The following ELMO1 variants were observed in gnomAD, a reference collection of about 807,000 sequenced individuals.
ELMO1 encodes engulfment and cell motility protein 1.
ELMO1 carries 26 observed loss-of-function variants against 98.9 expected under a neutral mutation model. The ratio of observed to expected loss-of-function variants is 0.26; its 90% CI spans 0.19 to 0.36. ELMO1 has a LOEUF of 0.36. Ranked by LOEUF, ELMO1 falls within the 10% of genes least tolerant of loss-of-function variation. ELMO1 has a pLI of 1.00. For synonymous variants in ELMO1, 346 were observed against 346.0 expected (o/e 1.00, Z 0.00); for missense variants, 627 against 935.2 (o/e 0.67, Z 4.30).
intron 6 of ELMO1, among the ~76,000 whole-genome samples, chr7:37,247,895 A>ATGTGTGTGTG (rs58502667): frequency 3.0e-3 from 438 of 146,640 alleles, no homozygotes; most frequent in African/African-American, 8.7e-3. Flanking sequence ...TTGAAATAAA[A>ATGTGTGTGTG]TGTGTGTGTG....
rs117593378 is a variant in ELMO1 at position 36,985,056 on chromosome 7, C to T, written c.1437+28243G>A. ...GAGTTTCTCGTTCCCCACGCTGCCC[C>T]TCCATTGCCTGTTTATAGTACTGCT... On this transcript the variant is annotated intron_variant, in intron 16 of 21. Coordinates refer to ENST00000310758, the MANE Select transcript of ELMO1 (RefSeq NM_014800.11). 9,338 of 985,386 alleles carry T rather than the reference C, an allele frequency of 9.5e-3. 52 individuals carry two copies. The highest frequency in any genetic ancestry group is 0.021 in the Middle Eastern group (40 of 1,914). 61.0% of individuals were successfully genotyped at this position (985,386 alleles called of 1,614,324 possible). A position where few individuals can be genotyped will look rare whatever the true frequency, so the allele number is the denominator to read the frequency against.
intron 4 of ELMO1, among the ~76,000 whole-genome samples, chr7:37,279,370 T>C (rs73110841): frequency 0.033 from 5,066 of 152,040 alleles, 129 homozygotes; most frequent in Non-Finnish European, 0.051. Flanking sequence ...CCGGACAGAG[T>C]AGCGTGCGGA....
chr7:37,171,132 T>C (rs1191567906), intron 13 of ELMO1, among the ~76,000 whole-genome samples: 2 of 152,176 alleles, frequency 1.3e-5, no homozygotes, highest in Admixed American at 1.3e-4. Context: ...GATGTATTTT[T>C]CTTGTATTTT....
rs76441518 is a variant in ELMO1 at position 36,864,335 on chromosome 7, G to A, written c.1906-2599C>T. 5.3e-3 allele frequency among the ~76,000 whole-genome samples: 806 copies of A among 152,216 alleles called. 9 individuals carry two copies. The highest frequency in any genetic ancestry group is 0.018 in the African/African-American group (764 of 41,536). ...CCCTTCTATGACATATACCACTCACGACATGAATGATCAGAACTGTCATGA... is the reference window on the plus strand; with the variant it reads ...CCCTTCTATGACATATACCACTCACAACATGAATGATCAGAACTGTCATGA... On this transcript the variant is annotated intron_variant, in intron 20 of 21. Coordinates refer to ENST00000310758, the MANE Select transcript of ELMO1 (RefSeq NM_014800.11).
intron 15 of ELMO1, among the ~76,000 whole-genome samples, chr7:37,067,268 C>T (rs1425623877): frequency 1.3e-5 from 2 of 152,104 alleles, no homozygotes; most frequent in African/African-American, 4.8e-5. Flanking sequence ...TGCTAAGGTG[C>T]CCCATCAATT....
intron 2 of ELMO1, among the ~76,000 whole-genome samples, chr7:37,331,681 C>T (rs564250849): frequency 6.6e-6 from 1 of 152,062 alleles, no homozygotes; most frequent in African/African-American, 2.4e-5. Flanking sequence ...TCCACACTGA[C>T]CAGAAGGAAG....
At chr7:37,120,960 T>C (rs1785985372) in intron 14 of ELMO1, among the ~76,000 whole-genome samples, 1 of 152,212 alleles carries the variant, frequency 6.6e-6, no homozygotes, top group Non-Finnish European at 1.5e-5. Context: ...CAACATCTGC[T>C]GTTTACCAAT....
chr7:36,947,038 T>G lies in ELMO1; in HGVS notation c.1438-52021A>C, dbSNP rs545223550. Among the ~76,000 whole-genome samples the G allele has an allele frequency of 5.1e-4, 78 of 152,344 alleles. 1 individual carries two copies. The highest frequency in any genetic ancestry group is 1.0e-3 in the South Asian group (5 of 4,820). ...TTTGCTACATGGATATACTGCACAA[T>G]GCTGAGGTTTGGACTTCTATTGAAC... On this transcript the variant is annotated intron_variant, in intron 16 of 21. Transcript: ENST00000310758.
At chr7:37,430,259 T>TC (rs1357298945) in intron 1 of ELMO1, among the ~76,000 whole-genome samples, 1 of 152,178 alleles carries the variant, frequency 6.6e-6, no homozygotes, top group Non-Finnish European at 1.5e-5. Flanking sequence ...CCCACCTGGG[T>TC]TTCTGCCTGC....
At chr7:37,143,785 A>T (rs1019043434) in intron 13 of ELMO1, among the ~76,000 whole-genome samples, 19 of 142,294 alleles carry the variant, frequency 1.3e-4, no homozygotes, top group African/African-American at 4.9e-4. Context: ...ATCTCGGCTC[A>T]CTGCAGCCTC....
At chr7:37,419,802 G>C (rs1179650494) in intron 1 of ELMO1, 2 of 152,114 alleles carry the variant, frequency 1.3e-5, no homozygotes, top group Non-Finnish European at 2.9e-5. Flanking sequence ...GATGAATAAA[G>C]TTTGGTCATA....
At chr7:37,308,865 T>C (rs966109218) in intron 4 of ELMO1, among the ~76,000 whole-genome samples, 6 of 152,124 alleles carry the variant, frequency 3.9e-5, no homozygotes, top group Non-Finnish European at 8.8e-5. Context: ...GCAACATCCA[T>C]AGCAGAAATC....
At chr7:36,946,225 C>T (rs150886493) in intron 16 of ELMO1, among the ~76,000 whole-genome samples, 175 of 152,354 alleles carry the variant, frequency 1.1e-3, no homozygotes, top group African/African-American at 4.0e-3. Context: ...ATTTACCTGT[C>T]GGGGCTGTCA....
chr7:37,183,150 T>C (rs966076879), intron 13 of ELMO1, among the ~76,000 whole-genome samples: 1 of 152,078 alleles, frequency 6.6e-6, no homozygotes, highest in Admixed American at 6.5e-5. Context: ...CCAGAAGGCC[T>C]AATGAAGGAA....
chr7:37,431,885 TTTG>T (rs1392768115), intron 1 of ELMO1, among the ~76,000 whole-genome samples: 30 of 152,180 alleles, frequency 2.0e-4, no homozygotes, highest in Admixed American at 9.8e-4. Context: ...TGTTTGTTTG[TTTG>T]TTTGTTTTTT....
At chr7:37,269,987 A>C (rs1229317180) in intron 5 of ELMO1, 1 of 152,030 alleles carries the variant, frequency 6.6e-6, no homozygotes, top group Non-Finnish European at 1.5e-5. Flanking sequence ...AATGAAACTA[A>C]CTCCTTCTTT....
At chr7:36,969,683 C>T (rs939497036) in intron 16 of ELMO1, among the ~76,000 whole-genome samples, 2 of 151,960 alleles carry the variant, frequency 1.3e-5, no homozygotes, top group Admixed American at 1.3e-4. Flanking sequence ...GCTTAAGCCT[C>T]ACTTGAAATT....
intron 15 of ELMO1, among the ~76,000 whole-genome samples, chr7:37,087,355 C>T (rs1001830264): frequency 2.6e-5 from 4 of 151,764 alleles, no homozygotes; most frequent in Admixed American, 1.3e-4. Context: ...CATATAGCAT[C>T]CCAGTTTAGT....
intron 13 of ELMO1, among the ~76,000 whole-genome samples, chr7:37,165,228 G>C (rs1191507077): frequency 1.3e-5 from 2 of 152,200 alleles, no homozygotes; most frequent in South Asian, 2.1e-4. Context: ...AGCTTAAGGA[G>C]ATTTTGGGCT....
Sources: allele counts gnomAD v4.1 joint callset (sites outside exome capture counted in the v4.1 genomes callset), GRCh38; gene constraint gnomAD v4.1.1; transcripts MANE v1.5; gene names NCBI Gene and HGNC (gene_info 2026-07-23, HGNC 2026-07-21).